The following PROSER2 variants were observed in gnomAD, a reference collection of about 807,000 sequenced individuals.
PROSER2 encodes proline and serine rich 2.
Under a neutral mutation model 14.6 loss-of-function variants are expected in PROSER2, and 18 were observed. That is an observed-to-expected ratio of 1.23 (90% confidence interval 0.85 to 1.83). The LOEUF is 1.83. PROSER2 is among the 40% of genes most tolerant of loss of function. The pLI is 0.00. For synonymous variants in PROSER2, 367 were observed against 286.4 expected, an observed-to-expected ratio of 1.28 and a Z score of -2.84; for missense variants, 823 against 629.8, an observed-to-expected ratio of 1.31 and a Z score of -3.28.
At chr10:11,853,664 C>T (rs1039057294) in intron 2 of PROSER2, among the ~76,000 whole-genome samples, 12 of 152,138 alleles carry the variant, frequency 7.9e-5, no homozygotes, top group South Asian at 2.1e-4. Context: ...CCAGGTGGGG[C>T]GCCATTCCCC....
At position 11,843,140 on chromosome 10, in the gene PROSER2, C is replaced by T. The variant is rs570987095; in HGVS notation, c.-81-8857C>T. On this transcript the variant is annotated intron_variant, in intron 1 of 3. Transcript: ENST00000277570. ...TATTTTTAGTATAGACGGGGTTTCA[C>T]CATGTTAGCCAGGATGGTCTTGATC... Among the ~76,000 whole-genome samples, 277 of 148,698 alleles carry T rather than the reference C, an allele frequency of 1.9e-3. 1 individual carries two copies. The highest frequency in any genetic ancestry group is 6.3e-3 in the African/African-American group (258 of 41,022).
rs537106466 is a variant in PROSER2, at chr10:11,853,445, G to A, written c.138+1230G>A. On this transcript the variant is annotated intron_variant, in intron 2 of 3. Coordinates refer to ENST00000277570, the MANE Select transcript of PROSER2 (RefSeq NM_153256.4). The stretch of plus-strand genomic sequence containing the variant: ...TCTACTAAAAATACAAAAATTAGCC[G>A]GGCGTGGTGGTGGGCACCTGTAATC... Among the ~76,000 whole-genome samples, 10 of 152,198 alleles carry A rather than the reference G, an allele frequency of 6.6e-5. No homozygotes were observed. The South Asian group carries it at 1.0e-3, about 16-fold the overall frequency.
At chr10:11,847,342 C>T (rs916499187) in intron 1 of PROSER2, among the ~76,000 whole-genome samples, 3 of 152,136 alleles carry the variant, frequency 2.0e-5, no homozygotes, top group African/African-American at 4.8e-5. Context: ...ATTTCTAACC[C>T]GCCTTCACAA....
chr10:11,870,437 C>T lies in PROSER2; in HGVS notation c.*31C>T, dbSNP rs1360126811. On this transcript the variant is annotated 3_prime_UTR_variant, in exon 4 of 4. Coordinates refer to ENST00000277570, the MANE Select transcript of PROSER2 (RefSeq NM_153256.4). ...GCGCGGGCTCCAGTCCACCCCGTTT[C>T]TCCCCACCCTGAAGAGAGGGTGAAA... 4.9e-6 allele frequency: 7 copies of T among 1,425,296 alleles called. No homozygotes were observed. The South Asian group carries it at 9.0e-5, about 18-fold the overall frequency. 88.3% of individuals were successfully genotyped at this position (1,425,296 alleles called of 1,614,324 possible).
At chr10:11,860,518 A>G (rs1834215458) in intron 2 of PROSER2, among the ~76,000 whole-genome samples, 1 of 152,010 alleles carries the variant, frequency 6.6e-6, no homozygotes, top group Non-Finnish European at 1.5e-5. Flanking sequence ...CCGGATCCTG[A>G]GGCAGAAAAT....
At chr10:11,847,156 T>TAA (rs58680650) in intron 1 of PROSER2, among the ~76,000 whole-genome samples, 31,858 of 96,544 alleles carry the variant, frequency 0.33, 3,680 homozygotes, top group Middle Eastern at 0.44. Context: ...CATAAATAAA[T>TAA]ATATATATAT....
rs1237761884 is a variant in PROSER2 at position 11,866,757 on chromosome 10, G to A, written c.365G>A (p.Gly122Asp). ...QPAPGAGEAE[G>D]LPEGTQAAGP... is the part of the protein sequence containing the mutation. ...GCACCTGGCGCCGGGGAAGCCGAGG[G>A]CCTTCCAGAGGGGACCCAGGCAGCA... Residue 122 changes from glycine (G) to aspartate (D), a missense_variant, in exon 3 of 4, where the codon GGC (glycine) becomes GAC (aspartate). Physicochemically the swap from Gly to Asp is moderately conservative, Grantham distance 94. Transcript: ENST00000277570. This position sits in a 1 kb window ranked among gnomAD's most constrained non-coding sequence, Gnocchi z 6.0. 1.2e-6 allele frequency: 2 copies of A among 1,612,512 alleles called. No individual in the cohort carries two copies. Among genetic ancestry groups the A allele is most frequent in the African/African-American group, 1.3e-5 (1 of 74,926 alleles).
chr10:11,826,006 A>G (rs978308808), intron 1 of PROSER2, among the ~76,000 whole-genome samples: 7 of 152,002 alleles, frequency 4.6e-5, no homozygotes, highest in Non-Finnish European at 1.0e-4. Flanking sequence ...ATCACTCCAA[A>G]AGGAAACCCA....
At position 11,862,389 on chromosome 10, in the gene PROSER2, C is replaced by T. The variant is rs114976280; in HGVS notation, c.139-4142C>T. ...CTCCAACAAAACTGGAGGACTCTGC[C>T]AGATATCAAGACTTACTATAGAATG... is the stretch of plus-strand genomic sequence containing the variant. On this transcript the variant is annotated intron_variant, in intron 2 of 3. Transcript: ENST00000277570. This position sits in a 1 kb window ranked among gnomAD's most constrained non-coding sequence, Gnocchi z 4.2. 8.4e-3 allele frequency among the ~76,000 whole-genome samples: 1,280 copies of T among 152,268 alleles called. 21 individuals are homozygous for T. Among genetic ancestry groups the T allele is most frequent in the African/African-American group, 0.029 (1,208 of 41,540 alleles).
rs1188675184 is a variant in PROSER2 at position 11,836,582 on chromosome 10, A to C, written c.-82+13112A>C. Among the ~76,000 whole-genome samples the C allele has an allele frequency of 6.6e-6, 1 of 152,170 alleles. No homozygotes were observed. The highest frequency in any genetic ancestry group is 2.4e-5 in the African/African-American group (1 of 41,446). ...AATCTTCACAAAATTCATGGTATGC[A>C]CGCCGGCCCCTTCCTAGCGTGTAGG... On this transcript the variant is annotated intron_variant, in intron 1 of 3. Transcript: ENST00000277570. The surrounding 1 kb of genome is among the most constrained non-coding windows in gnomAD (Gnocchi z 4.6).
intron 2 of PROSER2, among the ~76,000 whole-genome samples, chr10:11,859,169 C>T (rs1834187029): frequency 6.6e-6 from 1 of 152,034 alleles, no homozygotes; most frequent in Non-Finnish European, 1.5e-5. Context: ...TGCCTGTAAT[C>T]CCAGCACTTT....
intron 3 of PROSER2, among the ~76,000 whole-genome samples, chr10:11,867,540 C>T (rs1834377473): frequency 1.3e-5 from 2 of 152,134 alleles, no homozygotes; most frequent in South Asian, 4.1e-4. Context: ...ACAAGAATCA[C>T]TTGAACCTAG....
Position 11,865,597 on chromosome 10 carries a change from G to A in PROSER2, c.139-934G>A, listed in dbSNP as rs1834329273. Among the ~76,000 whole-genome samples, 2 of 152,320 alleles carry A rather than the reference G, an allele frequency of 1.3e-5. No homozygotes were observed. The highest frequency in any genetic ancestry group is 2.1e-4 in the South Asian group (1 of 4,826). On this transcript the variant is annotated intron_variant, in intron 2 of 3. Transcript: ENST00000277570. This position sits in a 1 kb window ranked among gnomAD's most constrained non-coding sequence, Gnocchi z 4.2. ...TCTTTACCTGTGGATTGATCTTGCT[G>A]GGGAACCCTTGGGATCAGCCTTTTT...
At chr10:11,859,737 G>A (rs531623941) in intron 2 of PROSER2, among the ~76,000 whole-genome samples, 12 of 152,230 alleles carry the variant, frequency 7.9e-5, no homozygotes, top group African/African-American at 1.2e-4. Flanking sequence ...CAGCTTTATC[G>A]GGATACAAGT....
At chr10:11,855,033 G>C (rs1013861325) in intron 2 of PROSER2, among the ~76,000 whole-genome samples, 1 of 151,746 alleles carries the variant, frequency 6.6e-6, no homozygotes, top group Non-Finnish European at 1.5e-5. Context: ...TAGGCCTCTA[G>C]GTTGTACGAT....
At position 11,838,149 on chromosome 10, in the gene PROSER2, C is replaced by T. The variant is rs1001427659; in HGVS notation, c.-81-13848C>T. On this transcript the variant is annotated intron_variant, in intron 1 of 3. Coordinates refer to ENST00000277570, the MANE Select transcript of PROSER2 (RefSeq NM_153256.4). This position sits in a 1 kb window ranked among gnomAD's most constrained non-coding sequence, Gnocchi z 4.4. ...CTCAGGTGCCCTCCGGTGAGTGAGG[C>T]GGGCGGGTGTCTATTTTAGAACAAT... Among the ~76,000 whole-genome samples, 6 of 152,030 alleles carry T rather than the reference C, an allele frequency of 3.9e-5. No homozygotes were observed. Among genetic ancestry groups the T allele is most frequent in the African/African-American group, 1.4e-4 (6 of 41,396 alleles).
intron 1 of PROSER2, among the ~76,000 whole-genome samples, chr10:11,828,826 G>A (rs925136899): frequency 6.6e-6 from 1 of 152,194 alleles, no homozygotes; most frequent in Admixed American, 6.5e-5. Context: ...TCCCATGAAG[G>A]CTTGCTTGGG....
rs1564312835 is a variant in PROSER2, at chr10:11,862,881, A to G, written c.139-3650A>G. The G allele has an allele frequency of 6.6e-6, 1 of 152,318 alleles. No individual in the cohort carries two copies. The highest frequency in any genetic ancestry group is 1.9e-4 in the East Asian group (1 of 5,190). 9.4% of individuals were successfully genotyped at this position (152,318 alleles called of 1,614,324 possible). On this transcript the variant is annotated intron_variant, in intron 2 of 3. Coordinates refer to ENST00000277570, the MANE Select transcript of PROSER2 (RefSeq NM_153256.4). The surrounding 1 kb of genome is among the most constrained non-coding windows in gnomAD (Gnocchi z 4.2). ...TCGTGGAAATGACACTGAAAATCAC[A>G]GTGAAATATGACTGCATTCCTCTCC...
rs954737715 is a variant in PROSER2, at chr10:11,830,546, A to G, written c.-82+7076A>G. On this transcript the variant is annotated intron_variant, in intron 1 of 3. Coordinates refer to ENST00000277570, the MANE Select transcript of PROSER2 (RefSeq NM_153256.4). The surrounding 1 kb of genome is among the most constrained non-coding windows in gnomAD (Gnocchi z 4.5). Reference sequence around the variant, plus strand: ...CTCTCCCTGTAGGTAGATAACCAGTAGTGAGATTGCTGGGTCCTGTGGTAG... The same window carrying G: ...CTCTCCCTGTAGGTAGATAACCAGTGGTGAGATTGCTGGGTCCTGTGGTAG... Among the ~76,000 whole-genome samples the G allele has an allele frequency of 4.6e-5, 7 of 152,220 alleles. No homozygotes were observed. Among genetic ancestry groups the G allele is most frequent in the Non-Finnish European group, 8.8e-5 (6 of 68,042 alleles).
Sources: gnomAD v4.1 joint callset for allele counts (sites outside exome capture counted in the v4.1 genomes callset) on GRCh38, gnomAD v4.1.1 for gene constraint, Gnocchi (gnomAD v3.1) non-coding constraint, MANE v1.5 for transcripts, NCBI Gene and HGNC (gene_info 2026-07-23, HGNC 2026-07-21) for gene names.